Variants in FHIT observed in about 807,000 individuals in gnomAD.
The protein encoded by FHIT is bis(5'-adenosyl)-triphosphatase.
A neutral mutation model predicts 17.9 loss-of-function variants in FHIT; 19 were observed. That is an observed-to-expected ratio of 1.06 (90% CI 0.74 to 1.56). The LOEUF (loss-of-function observed/expected upper bound fraction) is 1.56. Among genes scored for constraint, FHIT ranks in the 40% most tolerant of loss-of-function variants. FHIT has a pLI of 0.00. For synonymous variants in FHIT, 81 were observed against 69.7 expected, an observed-to-expected ratio of 1.16 and a Z score of -0.81; for missense variants, 248 against 189.2, an observed-to-expected ratio of 1.31 and a Z score of -1.82.
intron 5 of FHIT, among the ~76,000 whole-genome samples, chr3:60,309,768 T>C (rs4679528): frequency 0.42 from 63,109 of 151,676 alleles, 13,847 homozygotes; most frequent in East Asian, 0.84. Context: ...TATAGAACCA[T>C]GTGGTGGCTT....
chr3:61,007,726 C>T (rs1029888120), intron 3 of FHIT, among the ~76,000 whole-genome samples: 2 of 152,182 alleles, frequency 1.3e-5, no homozygotes, highest in East Asian at 1.9e-4. Flanking sequence ...TGATGTTCCA[C>T]TCAGATCTCT....
intron 8 of FHIT, among the ~76,000 whole-genome samples, chr3:59,804,735 G>T (rs1285042112): frequency 2.0e-5 from 3 of 152,208 alleles, no homozygotes; most frequent in Admixed American, 6.5e-5. Context: ...TTCCCTGCCT[G>T]CAGACCCTAT....
At chr3:60,314,509 T>C (rs1239580384) in intron 5 of FHIT, among the ~76,000 whole-genome samples, 1 of 152,204 alleles carries the variant, frequency 6.6e-6, no homozygotes, top group Non-Finnish European at 1.5e-5. Flanking sequence ...AGAAGTATGA[T>C]GTGACAGAAA....
chr3:60,046,399 T>C (rs764327186), intron 5 of FHIT, among the ~76,000 whole-genome samples: 51 of 152,352 alleles, frequency 3.3e-4, no homozygotes, highest in Non-Finnish European at 6.5e-4. Context: ...TGGCTGCATC[T>C]GTGCTGGCTG....
intron 2 of FHIT, among the ~76,000 whole-genome samples, chr3:61,139,636 C>T (rs1576088403): frequency 6.6e-6 from 1 of 151,966 alleles, no homozygotes; most frequent in East Asian, 1.9e-4. Flanking sequence ...ATAGAATTTC[C>T]TCTATGAATT....
At chr3:60,732,621 C>T (rs2042053335) in intron 4 of FHIT, 3 of 508,254 alleles carry the variant, frequency 5.9e-6, no homozygotes, top group Admixed American at 2.2e-5. Flanking sequence ...TGGAAGTACA[C>T]GGTGGGGTTG....
chr3:60,140,932 C>A (rs1461702490), intron 5 of FHIT, among the ~76,000 whole-genome samples: 2 of 152,080 alleles, frequency 1.3e-5, no homozygotes, highest in East Asian at 3.9e-4. Context: ...GGTGTCAAAG[C>A]TGTCATCGGT....
chr3:60,319,222 G>T (rs1709305693), intron 5 of FHIT, among the ~76,000 whole-genome samples: 1 of 151,986 alleles, frequency 6.6e-6, no homozygotes, highest in South Asian at 2.1e-4. Context: ...AATCTCTTTG[G>T]ATTTTCTTCT....
chr3:60,001,152 T>C (rs760403307), intron 7 of FHIT, among the ~76,000 whole-genome samples: 2 of 152,214 alleles, frequency 1.3e-5, no homozygotes, highest in African/African-American at 2.4e-5. Flanking sequence ...AATATTTTAT[T>C]TGTTCCCTTT....
intron 4 of FHIT, among the ~76,000 whole-genome samples, chr3:60,681,007 T>C (rs1577063164): frequency 1.3e-5 from 2 of 152,346 alleles, no homozygotes; most frequent in South Asian, 2.1e-4. Context: ...TTTTTTTAAG[T>C]ACAAGTGATC....
intron 8 of FHIT, among the ~76,000 whole-genome samples, chr3:59,865,388 C>G (rs1473341861): frequency 2.0e-5 from 3 of 152,384 alleles, no homozygotes; most frequent in Non-Finnish European, 2.9e-5. Context: ...TTTAGAGATG[C>G]TGCCTAGCAG....
At chr3:61,021,146 C>G (rs901931967) in intron 3 of FHIT, among the ~76,000 whole-genome samples, 9 of 152,108 alleles carry the variant, frequency 5.9e-5, no homozygotes, top group African/African-American at 1.9e-4. Flanking sequence ...CAAGAATATT[C>G]AGGACTTGAA....
intron 5 of FHIT, among the ~76,000 whole-genome samples, chr3:60,295,847 G>C (rs553770345): frequency 2.0e-5 from 3 of 152,128 alleles, no homozygotes; most frequent in Non-Finnish European, 4.4e-5. Flanking sequence ...TACATAGGAA[G>C]GAGGGTGATA....
intron 3 of FHIT, among the ~76,000 whole-genome samples, chr3:60,964,816 G>C (rs1709639044): frequency 6.6e-6 from 1 of 152,158 alleles, no homozygotes; most frequent in Non-Finnish European, 1.5e-5. Flanking sequence ...AGTCTGATGG[G>C]CTTCCCTTTG....
rs531247648 is a variant in FHIT at position 60,821,002 on chromosome 3, G to T, written c.-18+917C>A. Among the ~76,000 whole-genome samples, 38 of 147,878 alleles carry T rather than the reference G, an allele frequency of 2.6e-4. 1 individual carries two copies. The South Asian group carries it at 8.2e-3, about 32-fold the overall frequency. On this transcript the variant is annotated intron_variant, in intron 4 of 9. Transcript: ENST00000492590. ...ATTATTATGGGGTTTTTTTGGCAGG[G>T]TCTCACTCTGTCGCCTAGGCTGGAG...
At chr3:60,550,321 G>C (rs961906169) in intron 4 of FHIT, among the ~76,000 whole-genome samples, 1 of 135,112 alleles carries the variant, frequency 7.4e-6, no homozygotes. Flanking sequence ...GACAGTAGAA[G>C]AGGATCCTAG....
chr3:59,786,734 A>C (rs780354), intron 8 of FHIT, among the ~76,000 whole-genome samples: 41,683 of 152,138 alleles, frequency 0.27, 6,006 homozygotes, highest in Admixed American at 0.33. Flanking sequence ...ATGCCATTGA[A>C]AGTAACTGCC....
intron 5 of FHIT, among the ~76,000 whole-genome samples, chr3:60,037,836 C>A (rs1374307498): frequency 6.6e-6 from 1 of 152,002 alleles, no homozygotes; most frequent in Non-Finnish European, 1.5e-5. Context: ...GCCTCAGCCT[C>A]CCAAGTAGCT....
At chr3:60,210,007 T>A (rs1466613979) in intron 5 of FHIT, among the ~76,000 whole-genome samples, 6 of 152,100 alleles carry the variant, frequency 3.9e-5, no homozygotes, top group Non-Finnish European at 8.8e-5. Context: ...GGCACACGTA[T>A]ACCTATGTAA....
Sources: allele counts gnomAD v4.1 joint callset (sites outside exome capture counted in the v4.1 genomes callset), GRCh38; gene constraint gnomAD v4.1.1; transcripts MANE v1.5; gene names NCBI Gene and HGNC (gene_info 2026-07-23, HGNC 2026-07-21).